SAMD5: variants seen among roughly 807,000 people sequenced by gnomAD.
SAMD5 encodes the protein sterile alpha motif domain-containing protein 5.
In SAMD5, 13 loss-of-function variants were observed where a neutral mutation model predicts 11.3. That is an observed-to-expected ratio of 1.15 (90% CI 0.75 to 1.83). The LOEUF (loss-of-function observed/expected upper bound fraction) is 1.83. SAMD5 is among the 40% of genes most tolerant of loss of function. The pLI is 0.00. For missense variants in SAMD5, 255 were observed against 239.1 expected, an observed-to-expected ratio of 1.07 and a Z score of -0.44; for synonymous variants, 129 against 111.3, an observed-to-expected ratio of 1.16 and a Z score of -1.00.
At chr6:147,882,837 A>G in the SAMD5 span, among the ~76,000 whole-genome samples, 43 of 152,378 alleles carry the variant, frequency 2.8e-4, no homozygotes, top group East Asian at 5.4e-3. Flanking sequence ...AAAATTTAGA[A>G]GACAAGTAAT....
chr6:147,766,706 T>C, the SAMD5 span, among the ~76,000 whole-genome samples: 1 of 152,102 alleles, frequency 6.6e-6, no homozygotes, highest in Non-Finnish European at 1.5e-5. Context: ...AAGATACATA[T>C]ATGGGATTTG....
intron 1 of SAMD5, chr6:147,737,218 G>T: frequency 1.3e-5 from 6 of 463,030 alleles, no homozygotes; most frequent in Admixed American, 4.5e-5. Flanking sequence ...CCCATCCTCG[G>T]GAAGGGTGAG....
intron 1 of SAMD5, among the ~76,000 whole-genome samples, chr6:147,623,534 AT>A (rs1790003494): frequency 6.6e-6 from 1 of 152,190 alleles, no homozygotes; most frequent in South Asian, 2.1e-4. Context: ...AGACTGAGTA[AT>A]CTGATATTAT....
At chr6:147,804,250 G>A in the SAMD5 span, among the ~76,000 whole-genome samples, 2 of 151,898 alleles carry the variant, frequency 1.3e-5, no homozygotes, top group East Asian at 3.9e-4. Context: ...TGGGACTACA[G>A]GTGCACACCA....
intron 1 of SAMD5, among the ~76,000 whole-genome samples, chr6:147,725,347 G>T (rs79940011): frequency 2.2e-3 from 339 of 151,320 alleles, no homozygotes; most frequent in Non-Finnish European, 3.4e-3. Flanking sequence ...CAAATCTTGT[G>T]GGGGGTGGAC....
chr6:147,851,038 C>A, the SAMD5 span, among the ~76,000 whole-genome samples: 1 of 151,334 alleles, frequency 6.6e-6, no homozygotes, highest in South Asian at 2.1e-4. Context: ...TCTCTGCCTC[C>A]CAGATTCAAG....
At chr6:147,532,002 T>A (rs1001816340) in intron 1 of SAMD5, among the ~76,000 whole-genome samples, 2 of 152,084 alleles carry the variant, frequency 1.3e-5, no homozygotes, top group Non-Finnish European at 2.9e-5. Flanking sequence ...TAGAATAGGA[T>A]CACAAAAGAG....
intron 1 of SAMD5, among the ~76,000 whole-genome samples, chr6:147,629,831 G>A (rs1048037395): frequency 6.6e-4 from 101 of 152,154 alleles, no homozygotes; most frequent in Admixed American, 7.9e-4. Flanking sequence ...GAGTGGATAA[G>A]GGAAGGTGTG....
At chr6:147,643,811 A>G (rs1279269738) in intron 1 of SAMD5, among the ~76,000 whole-genome samples, 7 of 146,766 alleles carry the variant, frequency 4.8e-5, no homozygotes, top group South Asian at 2.2e-4. Flanking sequence ...GAGAGAGAGA[A>G]AGAAAGAAAG....
chr6:147,810,294 G>C, the SAMD5 span, among the ~76,000 whole-genome samples: 2 of 152,134 alleles, frequency 1.3e-5, no homozygotes, highest in African/African-American at 4.8e-5. Context: ...TTCTGAGGAT[G>C]CCATGGTCCT....
intron 1 of SAMD5, among the ~76,000 whole-genome samples, chr6:147,724,720 A>C (rs1791601905): frequency 6.6e-6 from 1 of 152,102 alleles, no homozygotes; most frequent in East Asian, 1.9e-4. Flanking sequence ...GGGGGAAGGG[A>C]ACAGCCTATT....
At chr6:147,885,884 G>A in the SAMD5 span, among the ~76,000 whole-genome samples, 1 of 152,164 alleles carries the variant, frequency 6.6e-6, no homozygotes, top group Non-Finnish European at 1.5e-5. Context: ...AAACAGCCAA[G>A]ATGATTTCAT....
chr6:147,637,834 C>T (rs1464533618), intron 1 of SAMD5, among the ~76,000 whole-genome samples: 1 of 150,798 alleles, frequency 6.6e-6, no homozygotes, highest in Non-Finnish European at 1.5e-5. Flanking sequence ...ATGATTTAAG[C>T]ATCTTCCTTT....
At chr6:147,877,887 A>G in the SAMD5 span, among the ~76,000 whole-genome samples, 50 of 78,420 alleles carry the variant, frequency 6.4e-4, 1 homozygote, top group African/African-American at 1.8e-3. Context: ...CACACGATAG[A>G]TAGATAGCTA....
At chr6:147,910,970 A>C in the SAMD5 span, among the ~76,000 whole-genome samples, 4 of 152,180 alleles carry the variant, frequency 2.6e-5, no homozygotes, top group East Asian at 7.7e-4. Flanking sequence ...AATAGAATAC[A>C]TCTCTTTGTG....
At chr6:147,688,945 C>T (rs931320149) in intron 1 of SAMD5, among the ~76,000 whole-genome samples, 15 of 152,208 alleles carry the variant, frequency 9.9e-5, no homozygotes, top group African/African-American at 3.4e-4. Flanking sequence ...CCAAAAAGCT[C>T]TCTTGTTTAA....
intron 1 of SAMD5, among the ~76,000 whole-genome samples, chr6:147,541,556 AC>A (rs1298862474): frequency 6.6e-6 from 1 of 152,130 alleles, no homozygotes; most frequent in Non-Finnish European, 1.5e-5. Flanking sequence ...GCAGATAGTT[AC>A]CCAGAGAGAC....
the SAMD5 span, among the ~76,000 whole-genome samples, chr6:147,895,355 G>A: frequency 1.3e-5 from 2 of 152,042 alleles, no homozygotes; most frequent in Non-Finnish European, 2.9e-5. Flanking sequence ...ACCTTTAACT[G>A]GAATATATTC....
intron 1 of SAMD5, among the ~76,000 whole-genome samples, chr6:147,606,377 T>C (rs1367331251): frequency 6.6e-6 from 1 of 151,978 alleles, no homozygotes; most frequent in Non-Finnish European, 1.5e-5. Flanking sequence ...TTAATAGTGC[T>C]CTTGGACTTA....
Sources: gnomAD v4.1 joint callset for allele counts (sites outside exome capture counted in the v4.1 genomes callset) on GRCh38, gnomAD v4.1.1 for gene constraint, MANE v1.5 for transcripts, NCBI Gene and HGNC (gene_info 2026-07-23, HGNC 2026-07-21) for gene names.